Variants in BOLL observed in about 807,000 individuals in gnomAD.
The protein encoded by BOLL is boule RNA binding protein.
In BOLL, 23 loss-of-function variants were observed where a neutral mutation model predicts 44.4. The ratio of observed to expected loss-of-function variants is 0.52; its 90% confidence interval spans 0.37 to 0.73. BOLL has a LOEUF of 0.73. Among genes scored for constraint, BOLL ranks in the 30% least tolerant of loss-of-function variants. The pLI, the probability that BOLL is intolerant of heterozygous loss-of-function variation, is 0.00. For missense variants in BOLL, 287 were observed against 338.3 expected, an observed-to-expected ratio of 0.85 and a Z score of 1.19; for synonymous variants, 97 against 110.8, an observed-to-expected ratio of 0.88 and a Z score of 0.78.
intron 9 of BOLL, among the ~76,000 whole-genome samples, chr2:197,754,150 C>T (rs564326758): frequency 1.3e-4 from 20 of 151,742 alleles, no homozygotes; most frequent in South Asian, 4.2e-4. Flanking sequence ...GTCGGGGGCA[C>T]GGGGAGGGAT....
At chr2:197,786,160 C>G (rs1420739660), upstream of BOLL, 8 of 1,146,486 alleles carry the variant, frequency 7.0e-6, no homozygotes, top group Non-Finnish European at 9.4e-6. The surrounding 1 kb of genome is among the most constrained non-coding windows in gnomAD (Gnocchi z 5.9). Flanking sequence ...CAGGCTCGGA[C>G]CCCGGCCCTG....
chr2:197,745,337 T>A (rs531607851), intron 9 of BOLL, among the ~76,000 whole-genome samples: 1 of 152,124 alleles, frequency 6.6e-6, no homozygotes, highest in African/African-American at 2.4e-5. Flanking sequence ...ACCATCCCAC[T>A]CTATTCATTA....
chr2:197,771,066 C>A (rs991456933), intron 6 of BOLL, among the ~76,000 whole-genome samples: 6 of 152,014 alleles, frequency 3.9e-5, no homozygotes, highest in African/African-American at 1.5e-4. Flanking sequence ...TACTGCGGCA[C>A]TATTCACAAT....
Position 197,756,444 on chromosome 2 carries a change from T to C in BOLL, c.713A>G (p.Glu238Gly), listed in dbSNP as rs140027779. Reference sequence around the variant, plus strand: ...AATACATACCTCTGGAACTGAAGTTTCCATCAGAGACAGTGGAGGAGGAAC... The same window carrying C: ...AATACATACCTCTGGAACTGAAGTTCCCATCAGAGACAGTGGAGGAGGAAC... ...GCVPPPLSLM[E>G]TSVPEPYSDH... Residue 238 changes from glutamate to glycine, a missense_variant, in exon 9 of 11, where the codon GAA becomes GGA. Coordinates refer to ENST00000392296, the MANE Select transcript of BOLL (RefSeq NM_033030.6). 2.3e-5 allele frequency: 37 copies of C among 1,609,260 alleles called. No individual in the cohort carries two copies. Among genetic ancestry groups the C allele is most frequent in the Non-Finnish European group, 3.1e-5 (37 of 1,177,276 alleles).
chr2:197,746,786 G>C (rs557281359), intron 9 of BOLL, among the ~76,000 whole-genome samples: 1 of 151,732 alleles, frequency 6.6e-6, no homozygotes, highest in Non-Finnish European at 1.5e-5. Context: ...TGTAGTCCCA[G>C]CTATTTGGGA....
At chr2:197,756,661 A>G (rs1200047165) in intron 8 of BOLL, 105 bp from the exon 9 acceptor site, 1 of 1,201,682 alleles carries the variant, frequency 8.3e-7, no homozygotes, top group African/African-American at 1.6e-5. Flanking sequence ...TTATTTTACT[A>G]AATTTTTTTT....
intron 7 of BOLL, among the ~76,000 whole-genome samples, chr2:197,765,999 A>C (rs781592785): frequency 6.6e-6 from 1 of 152,108 alleles, no homozygotes; most frequent in Non-Finnish European, 1.5e-5. Flanking sequence ...CTCTGGCTCC[A>C]TCCATGTCCC....
chr2:197,769,731 G>A (rs1194806593), intron 6 of BOLL, among the ~76,000 whole-genome samples: 3 of 152,066 alleles, frequency 2.0e-5, no homozygotes, highest in Non-Finnish European at 4.4e-5. Flanking sequence ...GCCAAACCAT[G>A]GGTGAACGCC....
intron 10 of BOLL, among the ~76,000 whole-genome samples, chr2:197,731,734 A>G (rs1687191096): frequency 6.6e-6 from 1 of 152,170 alleles, no homozygotes; most frequent in Non-Finnish European, 1.5e-5. Flanking sequence ...TAACAAAATG[A>G]AGGCAGAAAT....
At chr2:197,732,466 C>T (rs1180370150) in intron 10 of BOLL, among the ~76,000 whole-genome samples, 7 of 151,938 alleles carry the variant, frequency 4.6e-5, no homozygotes, top group Non-Finnish European at 1.0e-4. Context: ...TTTATGAGGC[C>T]AGCATCATTC....
At chr2:197,743,003 G>A (rs1687825959) in intron 10 of BOLL, 58 bp downstream of exon 10, 1 of 1,354,734 alleles carries the variant, frequency 7.4e-7, no homozygotes, top group South Asian at 1.5e-5. Context: ...GAGAAAGTTG[G>A]AAAACTTGAA....
chr2:197,735,028 A>G (rs940124533), intron 10 of BOLL, among the ~76,000 whole-genome samples: 1 of 152,152 alleles, frequency 6.6e-6, no homozygotes, highest in African/African-American at 2.4e-5. Flanking sequence ...TTACTGCAAA[A>G]ATACACTGTA....
chr2:197,736,432 TG>T (rs1687495628), intron 10 of BOLL, among the ~76,000 whole-genome samples: 2 of 151,978 alleles, frequency 1.3e-5, no homozygotes, highest in Admixed American at 6.6e-5. Context: ...GTGAAAAAAA[TG>T]GTGAAGTTTG....
intron 4 of BOLL, among the ~76,000 whole-genome samples, chr2:197,776,745 TA>T: frequency 6.6e-6 from 1 of 152,114 alleles, no homozygotes; most frequent in Non-Finnish European, 1.5e-5. Context: ...TCATCTCAGA[TA>T]ACCTCACTGT....
intron 10 of BOLL, among the ~76,000 whole-genome samples, chr2:197,731,099 A>G (rs899269244): frequency 6.6e-6 from 1 of 152,164 alleles, no homozygotes; most frequent in Non-Finnish European, 1.5e-5. Context: ...CATAGGCTCA[A>G]AATAAAAGGA....
At chr2:197,784,389 T>C (rs1381765560) in intron 1 of BOLL, among the ~76,000 whole-genome samples, 2 of 73,232 alleles carry the variant, frequency 2.7e-5, no homozygotes, top group Non-Finnish European at 4.8e-5. Flanking sequence ...AGCAGTCTAA[T>C]ACATATATAT....
chr2:197,749,605 C>G (rs1482867063), intron 9 of BOLL, among the ~76,000 whole-genome samples: 1 of 151,512 alleles, frequency 6.6e-6, no homozygotes, highest in African/African-American at 2.4e-5. Flanking sequence ...GTATCAATAG[C>G]TGAATTGATC....
rs558953375 is a variant in BOLL at position 197,775,531 on chromosome 2, T to C, written c.352+134A>G. On this transcript the variant is annotated intron_variant, in intron 5 of 10. Coordinates refer to ENST00000392296, the MANE Select transcript of BOLL (RefSeq NM_033030.6). Reference sequence around the variant, plus strand: ...TTTTGTGGCAAAAATATTCAGTTTTTCCACCAACTTTGCTAAAATAACTTT... The same window carrying C: ...TTTTGTGGCAAAAATATTCAGTTTTCCCACCAACTTTGCTAAAATAACTTT... 3.1e-5 allele frequency: 19 copies of C among 613,086 alleles called. No homozygotes were observed. In the South Asian group the frequency reaches 5.4e-4, roughly 18 times the overall value. The allele number at this position is 613,086 out of a possible 1,614,324, so 38.0% of individuals were successfully genotyped here.
chr2:197,749,908 A>AAGAGTTTGGTGG (rs2106338205), intron 9 of BOLL, among the ~76,000 whole-genome samples: 1 of 151,734 alleles, frequency 6.6e-6, no homozygotes, highest in South Asian at 2.1e-4. Context: ...ACTCCTTGAG[A>AAGAGTTTGGTGG]AGAGTTTGGT....
Sources: allele counts gnomAD v4.1 joint callset (sites outside exome capture counted in the v4.1 genomes callset), GRCh38; gene constraint gnomAD v4.1.1; non-coding constraint Gnocchi (gnomAD v3.1); transcripts MANE v1.5; gene names NCBI Gene and HGNC (gene_info 2026-07-23, HGNC 2026-07-21).